The following MTUS2 variants were observed in gnomAD, a reference collection of about 807,000 sequenced individuals.
MTUS2 encodes the protein microtubule associated scaffold protein 2.
A neutral mutation model predicts 114.1 loss-of-function variants in MTUS2; 40 were observed. That is an observed-to-expected ratio of 0.35 (90% CI 0.27 to 0.46). MTUS2 has a LOEUF of 0.46. Ranked by LOEUF, MTUS2 falls within the 20% of genes least tolerant of loss-of-function variation. The probability of loss-of-function intolerance (pLI) is 1.00; values close to 1 mark genes in which losing one functional copy is unlikely to be tolerated. For synonymous variants in MTUS2, 688 were observed against 672.0 expected (o/e 1.02, Z -0.37); for missense variants, 1,679 against 1,705.4 (o/e 0.98, Z 0.27).
intron 7 of MTUS2, among the ~76,000 whole-genome samples, chr13:29,335,599 A>G (rs932697159): frequency 9.9e-5 from 15 of 152,052 alleles, no homozygotes; most frequent in African/African-American, 3.1e-4. Context: ...CCAACATGTG[A>G]TATCTCCCCC....
At chr13:29,034,205 A>G (rs904623393) in intron 4 of MTUS2, 80 bp downstream of exon 4, 2 of 1,572,650 alleles carry the variant, frequency 1.3e-6, no homozygotes, top group African/African-American at 2.7e-5. Context: ...ATTGTCTAAA[A>G]TATGAATGCC....
chr13:28,910,544 C>G (rs572468604), intron 2 of MTUS2, among the ~76,000 whole-genome samples: 23 of 152,162 alleles, frequency 1.5e-4, no homozygotes, highest in African/African-American at 5.3e-4. Flanking sequence ...CTTCCTCCCC[C>G]CAGCCCCCCA....
At chr13:29,491,834 TA>T (rs1882131764) in intron 11 of MTUS2, among the ~76,000 whole-genome samples, 3 of 125,838 alleles carry the variant, frequency 2.4e-5, no homozygotes, top group South Asian at 5.3e-4. Context: ...GTGTGTGTGG[TA>T]GGTGTGTGTG....
At chr13:28,998,378 C>T (rs576584065) in intron 2 of MTUS2, among the ~76,000 whole-genome samples, 15 of 152,250 alleles carry the variant, frequency 9.9e-5, no homozygotes, top group African/African-American at 3.4e-4. Context: ...CTTGGAGTTG[C>T]TCTTCTTGAG....
intron 5 of MTUS2, among the ~76,000 whole-genome samples, chr13:29,124,274 T>C (rs941481042): frequency 2.0e-4 from 30 of 152,360 alleles, no homozygotes; most frequent in African/African-American, 6.7e-4. Flanking sequence ...GATATTCTAA[T>C]TTAATGTAAA....
intron 5 of MTUS2, among the ~76,000 whole-genome samples, chr13:29,157,315 C>T (rs1030380568): frequency 2.0e-5 from 3 of 152,206 alleles, no homozygotes; most frequent in East Asian, 1.9e-4. Flanking sequence ...ACAATTTGCA[C>T]TGCTCTCTCC....
At chr13:29,495,844 C>T (rs925847210) in intron 12 of MTUS2, among the ~76,000 whole-genome samples, 5 of 152,082 alleles carry the variant, frequency 3.3e-5, no homozygotes, top group Admixed American at 3.3e-4. Context: ...GCACTCTAGC[C>T]TGGGCGACAG....
intron 5 of MTUS2, among the ~76,000 whole-genome samples, chr13:29,186,653 A>C (rs770724193): frequency 3.3e-5 from 5 of 152,238 alleles, no homozygotes; most frequent in Non-Finnish European, 7.4e-5. Flanking sequence ...TGAAGGAGGA[A>C]ATACAATCCA....
At chr13:29,498,624 G>T in intron 14 of MTUS2, 87 bp downstream of exon 14, 4 of 1,567,174 alleles carry the variant, frequency 2.6e-6, no homozygotes, top group Middle Eastern at 3.4e-4. Context: ...GTTCAGCCAG[G>T]TGTGTCCCTT....
At chr13:29,302,335 T>G (rs1022617099) in intron 6 of MTUS2, among the ~76,000 whole-genome samples, 13 of 152,110 alleles carry the variant, frequency 8.5e-5, no homozygotes, top group African/African-American at 3.1e-4. Flanking sequence ...GCTTCTCCCA[T>G]GGGTCTTTGC....
chr13:28,839,212 A>T (rs887337376), intron 1 of MTUS2, among the ~76,000 whole-genome samples: 32 of 152,110 alleles, frequency 2.1e-4, no homozygotes, highest in Admixed American at 1.8e-3. Flanking sequence ...TAATTTGCTG[A>T]TTTTTTGAAT....
chr13:28,828,818 C>T (rs1019656569), intron 1 of MTUS2, among the ~76,000 whole-genome samples: 1 of 152,140 alleles, frequency 6.6e-6, no homozygotes, highest in Non-Finnish European at 1.5e-5. Flanking sequence ...TAAAGGAAGA[C>T]AGGATCAGTA....
chr13:29,491,284 A>T lies in MTUS2; in HGVS notation c.3506-1362A>T, dbSNP rs1162663739. Among the ~76,000 whole-genome samples, 7 of 145,482 alleles carry T rather than the reference A, an allele frequency of 4.8e-5. No individual in the cohort carries two copies. In the Admixed American group the frequency reaches 4.9e-4, roughly 10 times the overall value. Reference sequence around the variant, plus strand: ...TAAGTGTGTCCTTGTGTAAATGTGTATGGATTTGGAGGTGTGCAGGCGTGG... The same window carrying T: ...TAAGTGTGTCCTTGTGTAAATGTGTTTGGATTTGGAGGTGTGCAGGCGTGG... On this transcript the variant is annotated intron_variant, in intron 11 of 15. Transcript: ENST00000612955.
At chr13:29,145,997 A>G (rs1892418795) in intron 5 of MTUS2, among the ~76,000 whole-genome samples, 1 of 152,224 alleles carries the variant, frequency 6.6e-6, no homozygotes, top group South Asian at 2.1e-4. Flanking sequence ...CCATGTGCCT[A>G]CTATTGTTAT....
chr13:29,230,016 G>A (rs1896262166), intron 5 of MTUS2, among the ~76,000 whole-genome samples: 1 of 152,200 alleles, frequency 6.6e-6, no homozygotes, highest in African/African-American at 2.4e-5. Context: ...GGTGGCCGAG[G>A]CAGGCGGATC....
intron 8 of MTUS2, among the ~76,000 whole-genome samples, chr13:29,416,784 A>T (rs552078639): frequency 1.3e-5 from 2 of 152,138 alleles, no homozygotes; most frequent in African/African-American, 4.8e-5. Context: ...TGAATATCGA[A>T]TACTTTTGCC....
intron 4 of MTUS2, among the ~76,000 whole-genome samples, chr13:29,072,655 G>T (rs1351965966): frequency 1.3e-5 from 2 of 152,106 alleles, no homozygotes; most frequent in African/African-American, 4.8e-5. Flanking sequence ...AACTGAATTT[G>T]CTCACAAAAA....
intron 4 of MTUS2, among the ~76,000 whole-genome samples, chr13:29,067,435 A>G (rs969801746): frequency 9.9e-5 from 15 of 152,174 alleles, no homozygotes; most frequent in Admixed American, 8.5e-4. Context: ...TCTCATAGAC[A>G]AGAGGACCAG....
intron 8 of MTUS2, among the ~76,000 whole-genome samples, chr13:29,410,508 C>T (rs1875145785): frequency 6.6e-6 from 1 of 152,180 alleles, no homozygotes; most frequent in Non-Finnish European, 1.5e-5. Context: ...TTATATGAAA[C>T]TTAGAACAAT....
Sources: allele counts gnomAD v4.1 joint callset (sites outside exome capture counted in the v4.1 genomes callset), GRCh38; gene constraint gnomAD v4.1.1; transcripts MANE v1.5; gene names NCBI Gene and HGNC (gene_info 2026-07-23, HGNC 2026-07-21).